Variants in SAMD5 observed in about 807,000 individuals in gnomAD.
SAMD5 encodes sterile alpha motif domain-containing protein 5.
In SAMD5, 13 loss-of-function variants were observed where a neutral mutation model predicts 11.3. That is an observed-to-expected ratio of 1.15 (90% CI 0.75 to 1.83). The LOEUF (loss-of-function observed/expected upper bound fraction) is 1.83. Among genes scored for constraint, SAMD5 ranks in the 40% most tolerant of loss-of-function variants. SAMD5 has a pLI of 0.00. For synonymous variants in SAMD5, 129 were observed against 111.3 expected (o/e 1.16, Z -1.00); for missense variants, 255 against 239.1 (o/e 1.07, Z -0.44).
At chr6:147,622,629 C>A (rs565139999) in intron 1 of SAMD5, among the ~76,000 whole-genome samples, 67 of 152,306 alleles carry the variant, frequency 4.4e-4, no homozygotes, top group African/African-American at 1.6e-3. Flanking sequence ...TGTCACTCAT[C>A]CCTGGTGAAA....
chr6:147,526,206 G>A (rs1339098698), intron 1 of SAMD5, among the ~76,000 whole-genome samples: 1 of 152,158 alleles, frequency 6.6e-6, no homozygotes, highest in Non-Finnish European at 1.5e-5. Context: ...ATAGGCTTAG[G>A]TTTTGTGAGT....
chr6:147,640,235 A>C (rs1429240062), intron 1 of SAMD5, among the ~76,000 whole-genome samples: 1 of 151,854 alleles, frequency 6.6e-6, no homozygotes. Flanking sequence ...CTGAGGCAGG[A>C]GAATCGCTTG....
At chr6:147,612,191 T>G (rs1789797839) in intron 1 of SAMD5, among the ~76,000 whole-genome samples, 1 of 152,120 alleles carries the variant, frequency 6.6e-6, no homozygotes, top group African/African-American at 2.4e-5. Context: ...CTCGTCATGA[T>G]GGGGAGGTCA....
rs58973849 is a variant in SAMD5 at position 147,515,431 on chromosome 6, ACCATCCATCCATCCAT to A, written c.459+6073_459+6088del. 9.5e-3 allele frequency among the ~76,000 whole-genome samples: 1,411 copies of A among 148,758 alleles called. 32 individuals are homozygous for A. The highest frequency in any genetic ancestry group is 0.033 in the African/African-American group (1,316 of 40,262). On this transcript the variant is annotated intron_variant, in intron 1 of 1. Transcript: ENST00000367474. ...CATTTATCCATCCGTCTTCCATCCA[ACCATCCATCCATCCAT>A]CCATCCATCCATCCATCCATCCATC...
intron 1 of SAMD5, among the ~76,000 whole-genome samples, chr6:147,709,599 G>T (rs2128458399): frequency 6.6e-6 from 1 of 152,308 alleles, no homozygotes; most frequent in African/African-American, 2.4e-5. Flanking sequence ...GCAGTCATTA[G>T]CTGGACCTAA....
At chr6:147,826,254 T>TCA in the SAMD5 span, among the ~76,000 whole-genome samples, 1 of 152,240 alleles carries the variant, frequency 6.6e-6, no homozygotes, top group Admixed American at 6.5e-5. Context: ...AGTTTAGTAG[T>TCA]CACAATGCAT....
the SAMD5 span, chr6:147,954,087 AG>A: frequency 6.6e-6 from 1 of 152,236 alleles, no homozygotes; most frequent in South Asian, 2.1e-4. Context: ...ACTTTTTACC[AG>A]TGTAACTTAC....
chr6:147,591,240 A>G (rs1457885195), intron 1 of SAMD5, among the ~76,000 whole-genome samples: 1 of 152,216 alleles, frequency 6.6e-6, no homozygotes. Context: ...TATTGATAAG[A>G]AAAGCACTTC....
intron 1 of SAMD5, among the ~76,000 whole-genome samples, chr6:147,549,722 A>T (rs1402729824): frequency 6.6e-6 from 1 of 152,030 alleles, no homozygotes; most frequent in East Asian, 1.9e-4. Context: ...CTGGGAGAAC[A>T]TGACTCATCA....
chr6:147,618,155 G>A (rs1789901263), intron 1 of SAMD5, among the ~76,000 whole-genome samples: 2 of 152,232 alleles, frequency 1.3e-5, no homozygotes, highest in African/African-American at 2.4e-5. Flanking sequence ...AAGAGGTGAA[G>A]TGAGTTCTTC....
At chr6:147,817,446 G>A in the SAMD5 span, among the ~76,000 whole-genome samples, 2 of 152,222 alleles carry the variant, frequency 1.3e-5, no homozygotes, top group East Asian at 3.8e-4. Context: ...GGCAAAGGAA[G>A]AGGTTTCTTC....
the SAMD5 span, among the ~76,000 whole-genome samples, chr6:147,756,711 G>A: frequency 3.9e-5 from 6 of 152,174 alleles, no homozygotes; most frequent in South Asian, 2.1e-4. Context: ...CTGCGCTCGC[G>A]CAGTTATTTG....
chr6:147,877,889 A>AC, the SAMD5 span, among the ~76,000 whole-genome samples: 3 of 76,780 alleles, frequency 3.9e-5, no homozygotes, highest in African/African-American at 1.2e-4. Flanking sequence ...CACGATAGAT[A>AC]GATAGCTAGA....
the SAMD5 span, among the ~76,000 whole-genome samples, chr6:147,807,083 T>TG: frequency 6.6e-6 from 1 of 152,022 alleles, no homozygotes; most frequent in African/African-American, 2.4e-5. Flanking sequence ...TCTGTTGTTT[T>TG]TTTTTGTTTT....
At chr6:147,537,588 T>C (rs372830310) in intron 1 of SAMD5, among the ~76,000 whole-genome samples, 63 of 116,540 alleles carry the variant, frequency 5.4e-4, no homozygotes, top group Non-Finnish European at 9.1e-4. Context: ...CCGTCTCTAC[T>C]AAAAATACAA....
At chr6:147,881,878 G>T in the SAMD5 span, among the ~76,000 whole-genome samples, 1 of 152,170 alleles carries the variant, frequency 6.6e-6, no homozygotes, top group African/African-American at 2.4e-5. Context: ...GGATCGATGT[G>T]AGAAACTACC....
chr6:147,528,451 T>A (rs1229073153), intron 1 of SAMD5, among the ~76,000 whole-genome samples: 1 of 152,154 alleles, frequency 6.6e-6, no homozygotes, highest in East Asian at 1.9e-4. Context: ...TCTCCTCTTC[T>A]TATAAGGACA....
At chr6:147,778,173 C>T in the SAMD5 span, among the ~76,000 whole-genome samples, 4 of 152,284 alleles carry the variant, frequency 2.6e-5, no homozygotes, top group East Asian at 5.8e-4. Flanking sequence ...GTGGGGTTCT[C>T]GTCGTTAGTT....
At chr6:147,726,031 C>T (rs1057120373) in intron 1 of SAMD5, among the ~76,000 whole-genome samples, 2 of 152,146 alleles carry the variant, frequency 1.3e-5, no homozygotes, top group African/African-American at 2.4e-5. Flanking sequence ...GATAAAATAA[C>T]GAAATTACTT....
Sources: allele counts gnomAD v4.1 joint callset (sites outside exome capture counted in the v4.1 genomes callset), GRCh38; gene constraint gnomAD v4.1.1; transcripts MANE v1.5; gene names NCBI Gene and HGNC (gene_info 2026-07-23, HGNC 2026-07-21).